The following ZNF600 variants were observed in gnomAD, a reference collection of about 807,000 sequenced individuals.
ZNF600 encodes zinc finger protein 600, also known as zinc finger protein KR-ZNF1.
A neutral mutation model predicts 7.3 loss-of-function variants in ZNF600; 4 were observed. That is an observed-to-expected ratio of 0.55 (90% CI 0.27 to 1.25). The LOEUF is 1.25. Among genes scored for constraint, ZNF600 ranks in the 50% most tolerant of loss-of-function variants. ZNF600 has a pLI of 0.12. For synonymous variants in ZNF600, 290 were observed against 308.9 expected, an observed-to-expected ratio of 0.94 and a Z score of 0.64; for missense variants, 911 against 922.1, an observed-to-expected ratio of 0.99 and a Z score of 0.16.
At chr19:52,768,788 G>A (rs1568626620) in intron 3 of ZNF600, among the ~76,000 whole-genome samples, 1 of 151,996 alleles carries the variant, frequency 6.6e-6, no homozygotes, top group Non-Finnish European at 1.5e-5. Context: ...GGCACAAGCT[G>A]TTCCAATATA....
At chr19:52,809,823 G>GGCAGCA in the ZNF600 span, 4 of 423,288 alleles carry the variant, frequency 9.4e-6, no homozygotes, top group Non-Finnish European at 1.6e-5. Flanking sequence ...GAGCGGCGAA[G>GGCAGCA]GCGGCGGCGG....
the ZNF600 span, among the ~76,000 whole-genome samples, chr19:52,828,647 G>A: frequency 1.3e-5 from 2 of 151,990 alleles, no homozygotes. Context: ...GATAAACTGG[G>A]ATCAGAGAAA....
the ZNF600 span, among the ~76,000 whole-genome samples, chr19:52,825,941 T>C: frequency 1.3e-5 from 2 of 152,216 alleles, no homozygotes; most frequent in African/African-American, 2.4e-5. Context: ...TGAGGCAAGA[T>C]TGCGCCACTG....
chr19:52,766,684 A>C, exon 4 of ZNF600: 1 of 1,613,652 alleles, frequency 6.2e-7, no homozygotes, highest in Non-Finnish European at 8.5e-7. Flanking sequence ...TTACACTTGT[A>C]AGTTTTCTCT....
chr19:52,830,681 G>C, the ZNF600 span, among the ~76,000 whole-genome samples: 63,088 of 150,504 alleles, frequency 0.42, 15,611 homozygotes, highest in Non-Finnish European at 0.57. Context: ...ATAAGGTCTT[G>C]ACTTACTCAG....
chr19:52,799,047 T>G, the ZNF600 span: 2 of 539,454 alleles, frequency 3.7e-6, no homozygotes, highest in Non-Finnish European at 6.5e-6. Flanking sequence ...TGAATTCTCC[T>G]GTCTTTCAAG....
chr19:52,781,335 C>A (rs2062719647), intron 1 of ZNF600: 1 of 152,064 alleles, frequency 6.6e-6, no homozygotes, highest in African/African-American at 2.4e-5. Flanking sequence ...TACAGGTGGG[C>A]TCACTGAGGC....
intron 3 of ZNF600, among the ~76,000 whole-genome samples, chr19:52,772,110 T>G (rs111894939): frequency 6.6e-6 from 1 of 152,120 alleles, no homozygotes; most frequent in Non-Finnish European, 1.5e-5. Context: ...GTTGGGAGTT[T>G]GAGACCAGCC....
chr19:52,807,014 C>T, the ZNF600 span, among the ~76,000 whole-genome samples: 4 of 152,194 alleles, frequency 2.6e-5, no homozygotes, highest in Non-Finnish European at 5.9e-5. Flanking sequence ...CCACAGAATT[C>T]TCCCACTTGC....
chr19:52,818,192 A>C, the ZNF600 span, among the ~76,000 whole-genome samples: 100,278 of 151,480 alleles, frequency 0.66, 33,970 homozygotes, highest in Non-Finnish European at 0.73. Flanking sequence ...CTCCCACTCT[A>C]CTCCTGGAGA....
chr19:52,803,099 AG>A, the ZNF600 span, among the ~76,000 whole-genome samples: 1 of 149,600 alleles, frequency 6.7e-6, no homozygotes, highest in African/African-American at 2.5e-5. Context: ...TATTTTTTTG[AG>A]ATACAGTGTC....
At chr19:52,819,697 T>A in the ZNF600 span, among the ~76,000 whole-genome samples, 1 of 142,378 alleles carries the variant, frequency 7.0e-6, no homozygotes, top group African/African-American at 2.9e-5. Context: ...GCTAATGGGA[T>A]GGACTGGTCT....
chr19:52,774,662 A>G lies in ZNF600; in HGVS notation c.103T>C (p.Leu35=), dbSNP rs542816749. The G allele has an allele frequency of 3.5e-4, 341 of 985,376 alleles. No individual in the cohort carries two copies. The African/African-American group carries it at 5.5e-3, about 16-fold the overall frequency. 61.0% of individuals were successfully genotyped at this position (985,376 alleles called of 1,614,324 possible). Residue 35 remains leucine, a synonymous_variant, in exon 3 of 4, where the codon TTG becomes CTG. Transcript: ENST00000648973. ...GGGTTCAGGCATTTCCACTCTGCCAATGAGAATTCTATAGCCACATCCCTG... is the reference window on the plus strand; with the variant it reads ...GGGTTCAGGCATTTCCACTCTGCCAGTGAGAATTCTATAGCCACATCCCTG...
chr19:52,783,742 C>T (rs1375231678), intron 1 of ZNF600, among the ~76,000 whole-genome samples: 1 of 152,162 alleles, frequency 6.6e-6, no homozygotes, highest in Non-Finnish European at 1.5e-5. Context: ...TGGACTTCTG[C>T]TCATTTTATG....
At chr19:52,787,276 G>A (rs982523042), upstream of ZNF600, among the ~76,000 whole-genome samples, 1 of 152,148 alleles carries the variant, frequency 6.6e-6, no homozygotes, top group African/African-American at 2.4e-5. Flanking sequence ...GAAGCCTGAG[G>A]TCCCAGCTAC....
At chr19:52,794,640 G>A in the ZNF600 span, among the ~76,000 whole-genome samples, 2 of 152,142 alleles carry the variant, frequency 1.3e-5, no homozygotes, top group African/African-American at 4.8e-5. Context: ...AGACCATTGA[G>A]CCCAGGAATT....
At chr19:52,817,313 G>T in the ZNF600 span, among the ~76,000 whole-genome samples, 1 of 151,714 alleles carries the variant, frequency 6.6e-6, no homozygotes, top group Non-Finnish European at 1.5e-5. Flanking sequence ...CGGAGGTTGC[G>T]GTGAGCTGAG....
intron 1 of ZNF600, among the ~76,000 whole-genome samples, chr19:52,783,163 T>G (rs1460371827): frequency 6.6e-6 from 1 of 151,854 alleles, no homozygotes; most frequent in Non-Finnish European, 1.5e-5. Flanking sequence ...GCCATCATTA[T>G]AAAATGCACC....
chr19:52,818,572 G>C, the ZNF600 span, among the ~76,000 whole-genome samples: 2 of 152,042 alleles, frequency 1.3e-5, no homozygotes, highest in South Asian at 4.2e-4. Context: ...AAGTAGCCGG[G>C]CTTGATGCGC....
Sources: allele counts gnomAD v4.1 joint callset (sites outside exome capture counted in the v4.1 genomes callset), GRCh38; gene constraint gnomAD v4.1.1; transcripts MANE v1.5; gene names NCBI Gene and HGNC (gene_info 2026-07-23, HGNC 2026-07-21).